MAML2: variants seen among roughly 807,000 people sequenced by gnomAD.
MAML2 encodes mastermind like transcriptional coactivator 2.
A neutral mutation model predicts 96.1 loss-of-function variants in MAML2; 22 were observed. The observed-to-expected ratio is 0.23, with a 90% CI of 0.16 to 0.33. MAML2 has a LOEUF of 0.33. Among genes scored for constraint, MAML2 ranks in the 10% least tolerant of loss-of-function variants. The pLI, the probability that MAML2 is intolerant of heterozygous loss-of-function variation, is 1.00. For synonymous variants in MAML2, 561 were observed against 521.3 expected, an observed-to-expected ratio of 1.08 and a Z score of -1.04; for missense variants, 1,367 against 1,392.4, an observed-to-expected ratio of 0.98 and a Z score of 0.29.
At chr11:96,149,539 C>T (rs1860885703) in intron 1 of MAML2, among the ~76,000 whole-genome samples, 1 of 152,000 alleles carries the variant, frequency 6.6e-6, no homozygotes, top group South Asian at 2.1e-4. Flanking sequence ...CAAGACCAGC[C>T]TGGCCCACAT....
rs74594289 is a variant in MAML2, at chr11:96,260,085, C to T, written c.513+81298G>A. On this transcript the variant is annotated intron_variant, in intron 1 of 4. Transcript: ENST00000524717. ...TTTATAATCCTCGGAACACCTGTGC[C>T]ACCTTCCTAAAGGCCAGTCAGTTCC... Among the ~76,000 whole-genome samples the T allele has an allele frequency of 7.3e-3, 1,113 of 152,068 alleles. 11 individuals are homozygous for T. Among genetic ancestry groups the T allele is most frequent in the African/African-American group, 0.025 (1,044 of 41,476 alleles).
chr11:96,250,000 GC>G (rs543803086), intron 1 of MAML2, among the ~76,000 whole-genome samples: 158 of 152,214 alleles, frequency 1.0e-3, no homozygotes, highest in African/African-American at 3.7e-3. Context: ...TCCTGCTAGA[GC>G]CTCCCTGCAA....
At chr11:96,207,748 C>T (rs1232644925) in intron 1 of MAML2, among the ~76,000 whole-genome samples, 1 of 152,234 alleles carries the variant, frequency 6.6e-6, no homozygotes, top group Non-Finnish European at 1.5e-5. Context: ...ACAGATATCA[C>T]ACCAACTAAT....
At chr11:96,146,597 G>C (rs1469819382) in intron 1 of MAML2, among the ~76,000 whole-genome samples, 1 of 152,150 alleles carries the variant, frequency 6.6e-6, no homozygotes, top group Non-Finnish European at 1.5e-5. Context: ...TTACTTTGAG[G>C]ATTAGATGAA....
At chr11:96,181,870 A>AT (rs1352334569) in intron 1 of MAML2, among the ~76,000 whole-genome samples, 1 of 145,546 alleles carries the variant, frequency 6.9e-6, no homozygotes, top group Non-Finnish European at 1.5e-5. Context: ...GTCCTCAGCC[A>AT]TTTTTTTCTT....
chr11:96,150,591 G>T (rs1340964665), intron 1 of MAML2, among the ~76,000 whole-genome samples: 1 of 152,178 alleles, frequency 6.6e-6, no homozygotes, highest in Non-Finnish European at 1.5e-5. Context: ...AGAGCAGAGA[G>T]TTAGGGCAGG....
chr11:96,047,403 C>T (rs759989893), intron 2 of MAML2, among the ~76,000 whole-genome samples: 1 of 152,152 alleles, frequency 6.6e-6, no homozygotes, highest in Non-Finnish European at 1.5e-5. Flanking sequence ...ATTCTCTAAG[C>T]TTCAGTATCC....
In MAML2 at chr11:96,235,808, A is replaced by G. The variant is rs140648140; in HGVS notation, c.513+105575T>C. Among the ~76,000 whole-genome samples the G allele has an allele frequency of 2.1e-3, 317 of 152,314 alleles. 1 individual carries two copies. Among genetic ancestry groups the G allele is most frequent in the African/African-American group, 7.3e-3 (304 of 41,582 alleles). On this transcript the variant is annotated intron_variant, in intron 1 of 4. Coordinates refer to ENST00000524717, the MANE Select transcript of MAML2 (RefSeq NM_032427.4). ...ACACTGAAACACTTCACATTATTTC[A>G]AGCATTCAGTACCGAGTAAAACCCC...
intron 1 of MAML2, among the ~76,000 whole-genome samples, chr11:96,225,960 A>G (rs1206828994): frequency 6.6e-6 from 1 of 152,258 alleles, no homozygotes; most frequent in East Asian, 1.9e-4. Context: ...TGAGCTGGTT[A>G]TCAAAAATTG....
At chr11:96,337,729 G>A (rs1863938033) in intron 1 of MAML2, among the ~76,000 whole-genome samples, 1 of 152,212 alleles carries the variant, frequency 6.6e-6, no homozygotes, top group Admixed American at 6.5e-5. Flanking sequence ...ACTGAAAGCT[G>A]AGTATACATT....
intron 2 of MAML2, among the ~76,000 whole-genome samples, chr11:96,089,163 G>C (rs1373610142): frequency 1.3e-5 from 2 of 152,026 alleles, no homozygotes; most frequent in Non-Finnish European, 2.9e-5. Context: ...TTTGGTCATC[G>C]GTAACAGAGA....
At chr11:96,212,143 GT>G (rs1861981891) in intron 1 of MAML2, among the ~76,000 whole-genome samples, 11 of 149,318 alleles carry the variant, frequency 7.4e-5, no homozygotes, top group East Asian at 3.9e-4. Context: ...GTGTGTGTGT[GT>G]GTGTGTGGAA....
chr11:96,015,474 T>C (rs1858331294), intron 2 of MAML2, among the ~76,000 whole-genome samples: 1 of 148,988 alleles, frequency 6.7e-6, no homozygotes, highest in African/African-American at 2.5e-5. Flanking sequence ...TGGTTTACTG[T>C]GAAATATAAA....
chr11:96,022,864 G>A (rs938946030), intron 2 of MAML2, among the ~76,000 whole-genome samples: 1 of 152,216 alleles, frequency 6.6e-6, no homozygotes, highest in Non-Finnish European at 1.5e-5. Context: ...CAATGAGGAT[G>A]TTTGGAACAG....
At chr11:96,068,656 G>A (rs1477667797) in intron 2 of MAML2, among the ~76,000 whole-genome samples, 3 of 151,886 alleles carry the variant, frequency 2.0e-5, no homozygotes, top group African/African-American at 7.3e-5. Context: ...GTGAAACCCC[G>A]TGTCAACTAA....
intron 1 of MAML2, among the ~76,000 whole-genome samples, chr11:96,269,771 A>G (rs935545940): frequency 6.9e-6 from 1 of 143,930 alleles, no homozygotes; most frequent in Non-Finnish European, 1.5e-5. Flanking sequence ...TTGGCCTCCC[A>G]AAGTGTTGGG....
intron 1 of MAML2, among the ~76,000 whole-genome samples, chr11:96,251,256 A>G (rs1862577909): frequency 6.6e-6 from 1 of 152,172 alleles, no homozygotes; most frequent in Admixed American, 6.5e-5. Flanking sequence ...CATCCCTAGA[A>G]TTTTCATGGA....
In MAML2 at chr11:96,093,462, T is replaced by C. The variant is rs770359313; in HGVS notation, c.569A>G (p.Lys190Arg). Reference protein sequence around the residue: ...QVVNLSPANSKRPNGFVDNSF... With the variant: ...QVVNLSPANSRRPNGFVDNSF... ...GTTGTCCACAAAGCCATTGGGTCGC[T>C]TGCTGTTGGCAGGAGATAGGTTAAC... Residue 190 changes from lysine to arginine, a missense_variant, in exon 2 of 5, where the codon AAG becomes AGG. Physicochemically the swap from Lys to Arg is conservative, Grantham distance 26. Transcript: ENST00000524717. The C allele has an allele frequency of 1.9e-6, 3 of 1,613,952 alleles. No homozygotes were observed. Among genetic ancestry groups the C allele is most frequent in the Non-Finnish European group, 1.7e-6 (2 of 1,179,880 alleles).
intron 1 of MAML2, among the ~76,000 whole-genome samples, chr11:96,162,963 A>C (rs1176052658): frequency 6.6e-6 from 1 of 152,208 alleles, no homozygotes; most frequent in Non-Finnish European, 1.5e-5. Context: ...AATCCATGAT[A>C]TGCAGGCCTT....
Sources: allele counts gnomAD v4.1 joint callset (sites outside exome capture counted in the v4.1 genomes callset), GRCh38; gene constraint gnomAD v4.1.1; transcripts MANE v1.5; gene names NCBI Gene and HGNC (gene_info 2026-07-23, HGNC 2026-07-21).